The following ARMC3 variants were observed in gnomAD, a reference collection of about 807,000 sequenced individuals.
ARMC3 encodes the protein armadillo repeat-containing protein 3.
Under a neutral mutation model 90.3 loss-of-function variants are expected in ARMC3, and 74 were observed. The observed-to-expected ratio is 0.82, with a 90% CI of 0.68 to 0.99. The LOEUF is 0.99. ARMC3 is among the 50% of genes least tolerant of loss of function. ARMC3 has a pLI of 0.00. For missense variants in ARMC3, 958 were observed against 1,042.8 expected, an observed-to-expected ratio of 0.92 and a Z score of 1.12; for synonymous variants, 334 against 361.8, an observed-to-expected ratio of 0.92 and a Z score of 0.87.
intron 16 of ARMC3, among the ~76,000 whole-genome samples, chr10:23,009,183 G>A (rs892533079): frequency 6.6e-6 from 1 of 152,212 alleles, no homozygotes; most frequent in Non-Finnish European, 1.5e-5. Context: ...TCCTACAGTC[G>A]CTTTAATTAA....
rs768184282 is a variant in ARMC3 at position 22,988,220 on chromosome 10, G to C, written c.1175+6520G>C. On this transcript the variant is annotated intron_variant, in intron 10 of 18. Coordinates refer to ENST00000298032, the MANE Select transcript of ARMC3 (RefSeq NM_173081.5). Reference sequence around the variant, plus strand: ...GAATTATTCATGGAGTATCATGCCTGAGAATGCCATGCAATTTGTAGAGAA... The same window carrying C: ...GAATTATTCATGGAGTATCATGCCTCAGAATGCCATGCAATTTGTAGAGAA... Among the ~76,000 whole-genome samples, 94 of 152,188 alleles carry C rather than the reference G, an allele frequency of 6.2e-4. 1 individual carries two copies. The highest frequency in any genetic ancestry group is 5.9e-5 in the Non-Finnish European group (4 of 68,032).
intron 3 of ARMC3, chr10:22,955,086 C>G (rs756154591): frequency 1.3e-5 from 2 of 152,238 alleles, no homozygotes; most frequent in Non-Finnish European, 2.9e-5. Context: ...TTTACACCCT[C>G]TGTTACTCAA....
In ARMC3 at chr10:22,959,500, C is replaced by A. The variant is rs1588844617; in HGVS notation, c.463C>A (p.Leu155Ile). ...ATTTGAACATGGGGGATTAGAGCCA[C>A]TCATCAGACTACTGAGTAGCCCTGA... ...QIFEHGGLEP[L>I]IRLLSSPDPD... The change falls in exon 6 of 19, where the codon CTC (leucine) becomes ATC (isoleucine). Residue 155 changes from leucine (L) to isoleucine (I), a missense_variant. Transcript: ENST00000298032. The A allele has an allele frequency of 6.2e-7, 1 of 1,614,028 alleles. No homozygotes were observed. Among genetic ancestry groups the A allele is most frequent in the Admixed American group, 1.7e-5 (1 of 60,016 alleles).
At chr10:22,996,025 T>A (rs1333669168) in intron 10 of ARMC3, among the ~76,000 whole-genome samples, 1 of 152,188 alleles carries the variant, frequency 6.6e-6, no homozygotes, top group Non-Finnish European at 1.5e-5. Context: ...ATATTTATAA[T>A]GATTAACAAA....
chr10:22,931,076 G>A (rs1004954846), intron 1 of ARMC3, among the ~76,000 whole-genome samples: 21 of 152,172 alleles, frequency 1.4e-4, no homozygotes, highest in Non-Finnish European at 2.9e-4. Context: ...TACAAGGCAC[G>A]TGCCACCACA....
At chr10:22,995,879 T>A (rs1318858157) in intron 10 of ARMC3, among the ~76,000 whole-genome samples, 2 of 152,192 alleles carry the variant, frequency 1.3e-5, no homozygotes, top group East Asian at 3.8e-4. Context: ...TTAAAATACT[T>A]CTGTTTCTAT....
intron 10 of ARMC3, among the ~76,000 whole-genome samples, chr10:22,988,848 C>T (rs1836576320): frequency 6.6e-6 from 1 of 152,192 alleles, no homozygotes; most frequent in Non-Finnish European, 1.5e-5. Context: ...ATACTTTTTA[C>T]TAAAGAAGCA....
At chr10:22,944,194 T>C (rs1834433793) in intron 2 of ARMC3, among the ~76,000 whole-genome samples, 1 of 152,170 alleles carries the variant, frequency 6.6e-6, no homozygotes, top group African/African-American at 2.4e-5. Context: ...TCCTTTTCCC[T>C]TGGACCTTTG....
chr10:23,006,421 G>T (rs1837617664), intron 13 of ARMC3, among the ~76,000 whole-genome samples: 1 of 152,168 alleles, frequency 6.6e-6, no homozygotes. Context: ...TAACTTAATT[G>T]GAAAAAGATC....
intron 6 of ARMC3, chr10:22,961,443 T>G (rs1835187958): frequency 6.4e-6 from 1 of 157,384 alleles, no homozygotes; most frequent in Non-Finnish European, 1.4e-5. Flanking sequence ...TAAATTTGCA[T>G]GCAGAGGGCC....
intron 3 of ARMC3, among the ~76,000 whole-genome samples, chr10:22,953,303 G>T (rs1834804567): frequency 6.6e-6 from 1 of 152,040 alleles, no homozygotes; most frequent in African/African-American, 2.4e-5. Context: ...CACCTACTGA[G>T]ATATATATCA....
At chr10:22,932,129 T>C in intron 2 of ARMC3, 85 bp downstream of exon 2, 1 of 1,120,286 alleles carries the variant, frequency 8.9e-7, no homozygotes, top group South Asian at 1.7e-5. Context: ...TGTACCAGTA[T>C]ATACATGAAT....
At chr10:22,951,146 C>T (rs1834726054) in intron 3 of ARMC3, among the ~76,000 whole-genome samples, 1 of 152,124 alleles carries the variant, frequency 6.6e-6, no homozygotes. Flanking sequence ...ACTGTGTTAG[C>T]CAGGATGGTC....
At chr10:22,937,564 C>T (rs1834159953) in intron 2 of ARMC3, among the ~76,000 whole-genome samples, 1 of 152,060 alleles carries the variant, frequency 6.6e-6, no homozygotes, top group Non-Finnish European at 1.5e-5. Context: ...GTTTGCGGGG[C>T]AATCAAGGAA....
At chr10:22,984,219 A>G (rs1256748169) in intron 10 of ARMC3, among the ~76,000 whole-genome samples, 1 of 152,198 alleles carries the variant, frequency 6.6e-6, no homozygotes, top group Non-Finnish European at 1.5e-5. Context: ...AATGTGCCTA[A>G]AGTGAATTTT....
chr10:23,017,079 T>TA (rs200290987), intron 16 of ARMC3, among the ~76,000 whole-genome samples: 1,905 of 145,442 alleles, frequency 0.013, 44 homozygotes, highest in African/African-American at 0.048. Flanking sequence ...AATTTATTAT[T>TA]TTTTTTTTTA....
intron 8 of ARMC3, among the ~76,000 whole-genome samples, chr10:22,975,060 T>C (rs1409312739): frequency 2.6e-5 from 4 of 152,250 alleles, no homozygotes; most frequent in Non-Finnish European, 5.9e-5. Flanking sequence ...TAATAAAGCT[T>C]ACCTGTCCTT....
intron 8 of ARMC3, among the ~76,000 whole-genome samples, chr10:22,974,129 A>G (rs2927924): frequency 0.1 from 15,319 of 152,104 alleles, 1,144 homozygotes; most frequent in East Asian, 0.38. Context: ...TTTAAATCTC[A>G]CTTTTATTGC....
rs369167346 is a variant in ARMC3, at chr10:22,998,413, A to G, written c.1425+16A>G. The G allele has an allele frequency of 2.2e-5, 35 of 1,612,652 alleles. No homozygotes were observed. The highest frequency in any genetic ancestry group is 3.0e-5 in the Non-Finnish European group (35 of 1,179,148). ...CCGGACTGAGGTGAGAATTTTAATA[A>G]CATGTGTTCTCTCATTTTTCTGGTT... On this transcript the variant is annotated intron_variant, in intron 11 of 18. Transcript: ENST00000298032.
Sources: allele counts gnomAD v4.1 joint callset (sites outside exome capture counted in the v4.1 genomes callset), GRCh38; gene constraint gnomAD v4.1.1; transcripts MANE v1.5; gene names NCBI Gene and HGNC (gene_info 2026-07-23, HGNC 2026-07-21).